AGPS: variants seen among roughly 807,000 people sequenced by gnomAD.
AGPS encodes alkylglycerone phosphate synthase, also known as alkyldihydroxyacetonephosphate synthase, peroxisomal.
AGPS carries 26 observed loss-of-function variants against 90.7 expected under a neutral mutation model. The observed-to-expected ratio is 0.29, with a 90% CI of 0.21 to 0.40. The LOEUF (loss-of-function observed/expected upper bound fraction) is 0.40, where lower values mean the gene tolerates loss of function less well. Among genes scored for constraint, AGPS ranks in the 10% least tolerant of loss-of-function variants. The probability of loss-of-function intolerance (pLI) is 1.00; values close to 1 mark genes in which losing one functional copy is unlikely to be tolerated. For missense variants in AGPS, 540 were observed against 816.1 expected, an observed-to-expected ratio of 0.66 and a Z score of 4.12; for synonymous variants, 294 against 285.3, an observed-to-expected ratio of 1.03 and a Z score of -0.31.
chr2:177,452,299 G>T (rs1172523648), intron 8 of AGPS, among the ~76,000 whole-genome samples: 1 of 152,122 alleles, frequency 6.6e-6, no homozygotes, highest in Non-Finnish European at 1.5e-5. Context: ...AACAGTAATT[G>T]TAGATTTGTA....
At chr2:177,438,368 G>C (rs1686481759) in intron 5 of AGPS, among the ~76,000 whole-genome samples, 1 of 152,194 alleles carries the variant, frequency 6.6e-6, no homozygotes, top group Admixed American at 6.5e-5. Context: ...GCCTGGACTA[G>C]TGAGTCCCTC....
At chr2:177,481,315 C>G (rs1187897545) in intron 10 of AGPS, among the ~76,000 whole-genome samples, 2 of 151,862 alleles carry the variant, frequency 1.3e-5, no homozygotes, top group Non-Finnish European at 2.9e-5. Flanking sequence ...ATTTTTTCCT[C>G]TCTAATTAGT....
chr2:177,444,350 G>A (rs1686704119), intron 7 of AGPS, among the ~76,000 whole-genome samples: 1 of 150,968 alleles, frequency 6.6e-6, no homozygotes, highest in Admixed American at 6.6e-5. Flanking sequence ...GAACCCAGGA[G>A]GCAGAGGTTG....
intron 14 of AGPS, among the ~76,000 whole-genome samples, chr2:177,502,249 C>T (rs1397404284): frequency 4.6e-5 from 2 of 43,732 alleles, no homozygotes; most frequent in Admixed American, 2.7e-4. Context: ...TTTGAGGTCT[C>T]ATTTTTTTTT....
intron 10 of AGPS, among the ~76,000 whole-genome samples, chr2:177,477,432 G>A (rs1687814302): frequency 6.6e-6 from 1 of 152,038 alleles, no homozygotes; most frequent in Admixed American, 6.5e-5. Flanking sequence ...TACAGGTTGA[G>A]CATCCAAACA....
intron 1 of AGPS, among the ~76,000 whole-genome samples, chr2:177,400,465 T>A (rs1421908927): frequency 6.6e-6 from 1 of 152,236 alleles, no homozygotes; most frequent in African/African-American, 2.4e-5. Context: ...TAAGCATTTG[T>A]ATATTTAATT....
chr2:177,507,281 T>TA (rs1688744519), intron 15 of AGPS, among the ~76,000 whole-genome samples: 1 of 152,140 alleles, frequency 6.6e-6, no homozygotes, highest in Non-Finnish European at 1.5e-5. Context: ...AAATTTTCTT[T>TA]AAAATCTCTG....
rs571192645 is a variant in AGPS, at chr2:177,542,770, A to C, written c.*4575A>C. On this transcript the variant is annotated 3_prime_UTR_variant, in exon 20 of 20. Transcript: ENST00000264167. ...AAGGACATGAAATGCTCATACTGGC[A>C]TACAAGTTTCTATAAGTAGTTATTT... 6.6e-6 allele frequency: 1 copy of C among 152,180 alleles called. No individual in the cohort carries two copies. Among genetic ancestry groups the C allele is most frequent in the Non-Finnish European group, 1.5e-5 (1 of 68,024 alleles). 9.4% of individuals were successfully genotyped at this position (152,180 alleles called of 1,614,324 possible).
intron 2 of AGPS, among the ~76,000 whole-genome samples, chr2:177,425,897 A>G (rs536413515): frequency 6.6e-6 from 1 of 152,254 alleles, no homozygotes; most frequent in East Asian, 1.9e-4. Flanking sequence ...TTCCATATGA[A>G]TTTTAAAATA....
At position 177,497,672 on chromosome 2, in the gene AGPS, C is replaced by A; in HGVS notation, c.1286-17C>A. On this transcript the variant is annotated splice_polypyrimidine_tract_variant and intron_variant, in intron 12 of 19. Transcript: ENST00000264167. The stretch of plus-strand genomic sequence containing the variant: ...ACATAGACTAACCTATTAATATAAA[C>A]TTTTTTCTCTTCTTAGGTCATGCTC... 2.7e-6 allele frequency: 4 copies of A among 1,464,220 alleles called. No individual in the cohort carries two copies. Among genetic ancestry groups the A allele is most frequent in the South Asian group, 1.3e-5 (1 of 75,672 alleles). 90.7% of individuals were successfully genotyped at this position (1,464,220 alleles called of 1,614,324 possible).
chr2:177,466,294 C>T (rs961066812), intron 9 of AGPS, among the ~76,000 whole-genome samples: 3 of 152,220 alleles, frequency 2.0e-5, no homozygotes, highest in Non-Finnish European at 4.4e-5. Flanking sequence ...CTGCCTAATT[C>T]TGGCTGAGTC....
chr2:177,517,088 G>A (rs1375244036), intron 17 of AGPS, among the ~76,000 whole-genome samples: 1 of 152,002 alleles, frequency 6.6e-6, no homozygotes, highest in Non-Finnish European at 1.5e-5. Flanking sequence ...GTAGTAAAAA[G>A]AGTATTTCCT....
intron 15 of AGPS, among the ~76,000 whole-genome samples, chr2:177,506,477 T>G (rs1220008346): frequency 6.6e-6 from 1 of 151,948 alleles, no homozygotes; most frequent in Non-Finnish European, 1.5e-5. Flanking sequence ...CTAAATTTAC[T>G]AATTTTTCTC....
intron 1 of AGPS, 76 bp downstream of exon 1, chr2:177,393,125 G>T: frequency 1.3e-6 from 2 of 1,549,858 alleles, no homozygotes; most frequent in South Asian, 1.2e-5. Context: ...CACAGGCGAG[G>T]TGGGAAGGGA....
At chr2:177,406,567 G>C (rs1321278043) in intron 1 of AGPS, among the ~76,000 whole-genome samples, 1 of 152,166 alleles carries the variant, frequency 6.6e-6, no homozygotes, top group Non-Finnish European at 1.5e-5. Context: ...TAATGTGTCT[G>C]GGAACAGCTG....
chr2:177,466,038 A>G lies in AGPS; in HGVS notation c.997-2378A>G, dbSNP rs145474645. 5.4e-4 allele frequency among the ~76,000 whole-genome samples: 83 copies of G among 152,304 alleles called. No individual in the cohort carries two copies. The East Asian group carries it at 0.015, about 28-fold the overall frequency. ...TGACAAAACAGCTCAGAGGAGACTCATATTGGGTAGCTCCTTTCCGCAGGT... is the reference window on the plus strand; with the variant it reads ...TGACAAAACAGCTCAGAGGAGACTCGTATTGGGTAGCTCCTTTCCGCAGGT... On this transcript the variant is annotated intron_variant, in intron 9 of 19. Coordinates refer to ENST00000264167, the MANE Select transcript of AGPS (RefSeq NM_003659.4).
chr2:177,523,770 T>C lies in AGPS; in HGVS notation c.1820T>C (p.Leu607Pro). Residue 607 changes from leucine (L) to proline (P), a missense_variant, in exon 19 of 20, where the codon CTT becomes CCT. This residue lies in a region of AGPS where 405 missense variants were observed against 692.1 expected (regional missense o/e 0.59). Coordinates refer to ENST00000264167, the MANE Select transcript of AGPS (RefSeq NM_003659.4). ...CAGGCAGCTGCTAGAGAAGAAATCC[T>C]TGCTAATGGAGGGAGCCTGTCACAT... ...QTEAAAREEI[L>P]ANGGSLSHHH... 1 of 1,614,066 alleles carries C rather than the reference T, an allele frequency of 6.2e-7. No homozygotes were observed. Among genetic ancestry groups the C allele is most frequent in the Non-Finnish European group, 8.5e-7 (1 of 1,179,912 alleles).
intron 3 of AGPS, 84 bp downstream of exon 3, chr2:177,434,501 T>G: frequency 9.4e-7 from 1 of 1,062,380 alleles, no homozygotes; most frequent in Non-Finnish European, 1.4e-6. Context: ...TAATTCATTA[T>G]ATTGGATTTA....
Position 177,541,374 on chromosome 2 carries a change from G to C in AGPS, c.*3179G>C, listed in dbSNP as rs2079233662. 6.6e-6 allele frequency: 1 copy of C among 152,110 alleles called. No individual in the cohort carries two copies. Among genetic ancestry groups the C allele is most frequent in the Non-Finnish European group, 1.5e-5 (1 of 68,012 alleles). 9.4% of individuals were successfully genotyped at this position (152,110 alleles called of 1,614,324 possible). On this transcript the variant is annotated 3_prime_UTR_variant, in exon 20 of 20. Transcript: ENST00000264167. ...AACTTAACTGTAGCTTATCAGAGAAGCTCTGTAGTCCTACACTGAAGTGTG... is the reference window on the plus strand; with the variant it reads ...AACTTAACTGTAGCTTATCAGAGAACCTCTGTAGTCCTACACTGAAGTGTG...
Sources: allele counts gnomAD v4.1 joint callset (sites outside exome capture counted in the v4.1 genomes callset), GRCh38; gene constraint gnomAD v4.1.1; regional missense constraint gnomAD v4.1.1; transcripts MANE v1.5; gene names NCBI Gene and HGNC (gene_info 2026-07-23, HGNC 2026-07-21).